UBE2G1: variants seen among roughly 807,000 people sequenced by gnomAD.
UBE2G1 encodes ubiquitin conjugating enzyme E2 G1, also known as ubiquitin-conjugating enzyme E2 G1.
Under a neutral mutation model 22.7 loss-of-function variants are expected in UBE2G1, and 5 were observed. The ratio of observed to expected loss-of-function variants is 0.22; its 90% CI spans 0.12 to 0.46. UBE2G1 has a LOEUF of 0.46. UBE2G1 is among the 20% of genes least tolerant of loss of function. The pLI is 0.99. For missense variants in UBE2G1, 88 were observed against 203.9 expected (o/e 0.43, Z 3.46); for synonymous variants, 74 against 67.5 (o/e 1.10, Z -0.47).
At chr17:4,365,961 G>A (rs1453103930) in intron 1 of UBE2G1, among the ~76,000 whole-genome samples, 1 of 151,970 alleles carries the variant, frequency 6.6e-6, no homozygotes, top group East Asian at 1.9e-4. Context: ...CCCGGCCTGG[G>A]GACCCGCACA....
chr17:4,315,279 G>T (rs945125371), intron 1 of UBE2G1, among the ~76,000 whole-genome samples: 11 of 152,080 alleles, frequency 7.2e-5, no homozygotes, highest in Admixed American at 5.2e-4. Flanking sequence ...TTCCTCAAAA[G>T]ATTTTTTTAA....
chr17:4,364,724 C>A (rs138626149), intron 1 of UBE2G1, among the ~76,000 whole-genome samples: 1,833 of 152,256 alleles, frequency 0.012, 40 homozygotes, highest in African/African-American at 0.042. Context: ...GGATTACAGG[C>A]GCCCTCCGCC....
chr17:4,292,219 G>A (rs913644981), intron 3 of UBE2G1, among the ~76,000 whole-genome samples: 1 of 151,118 alleles, frequency 6.6e-6, no homozygotes, highest in African/African-American at 2.4e-5. Context: ...CCAGCTACTC[G>A]GGAGGCTGAG....
At chr17:4,347,614 A>G (rs1969794241) in intron 1 of UBE2G1, among the ~76,000 whole-genome samples, 1 of 151,572 alleles carries the variant, frequency 6.6e-6, no homozygotes, top group Non-Finnish European at 1.5e-5. Flanking sequence ...AGCTGCAACT[A>G]CAGGCAAATG....
chr17:4,310,382 A>AAAAAGAAGGGCACACAAAAAAGAAGGG (rs1209605402), intron 1 of UBE2G1, among the ~76,000 whole-genome samples: 1 of 152,260 alleles, frequency 6.6e-6, no homozygotes, highest in Admixed American at 6.5e-5. Context: ...AGGGCACATA[A>AAAAAGAAGGGCACACAAAAAAGAAGGG]CATAATCATG....
rs201357295 is a variant in UBE2G1, at chr17:4,279,416, A to AC, written c.*37+3381dup. 5.7e-3 allele frequency among the ~76,000 whole-genome samples: 867 copies of AC among 152,310 alleles called. 3 individuals carry two copies. Among genetic ancestry groups the AC allele is most frequent in the African/African-American group, 0.02 (823 of 41,558 alleles). ...AATAAATGGTACAGTCAACAGTTAC[A>AC]CATCAGGGGAAAGTGGGGTGAGTGA... is the stretch of plus-strand genomic sequence containing the variant. On this transcript the variant is annotated intron_variant, in intron 5 of 5. Transcript: ENST00000396981.
At chr17:4,365,256 G>A (rs1422833487) in intron 1 of UBE2G1, among the ~76,000 whole-genome samples, 2 of 152,218 alleles carry the variant, frequency 1.3e-5, no homozygotes, top group Non-Finnish European at 2.9e-5. Context: ...GTAAGTGCTG[G>A]TTCATTTCTC....
rs1035151936 is a variant in UBE2G1 at position 4,366,609 on chromosome 17, C to T, written c.-293G>A. 2 of 329,754 alleles carry T rather than the reference C, an allele frequency of 6.1e-6. No individual in the cohort carries two copies. The highest frequency in any genetic ancestry group is 1.1e-5 in the Non-Finnish European group (2 of 179,834). 20.4% of individuals were successfully genotyped at this position (329,754 alleles called of 1,614,324 possible). A position where few individuals can be genotyped will look rare whatever the true frequency, so the allele number is the denominator to read the frequency against. ...CCTCCTTCAACCCGCCCGTCGGCCC[C>T]ACCGGTGCCTTCCCCCGCCACTGCC... On this transcript the variant is annotated 5_prime_UTR_variant, in exon 1 of 6. Coordinates refer to ENST00000396981, the MANE Select transcript of UBE2G1 (RefSeq NM_003342.5).
At chr17:4,273,103 A>G (rs1968779572) in intron 5 of UBE2G1, among the ~76,000 whole-genome samples, 1 of 152,216 alleles carries the variant, frequency 6.6e-6, no homozygotes, top group South Asian at 2.1e-4. Context: ...AAGTGTTTCA[A>G]ATCTGTTGGC....
chr17:4,356,921 T>C (rs1313606737), intron 1 of UBE2G1, among the ~76,000 whole-genome samples: 2 of 152,132 alleles, frequency 1.3e-5, no homozygotes, highest in African/African-American at 2.4e-5. Flanking sequence ...TACAGTCCCA[T>C]AGGACAAGGG....
rs796294034 is a variant in UBE2G1 at position 4,359,862 on chromosome 17, A to C, written c.46+6409T>G. Among the ~76,000 whole-genome samples the C allele has an allele frequency of 8.9e-4, 134 of 151,214 alleles. 1 individual carries two copies. The highest frequency in any genetic ancestry group is 2.7e-3 in the African/African-American group (112 of 41,128). ...ACAAGGCTCCATCTCAAAAAAAAAA[A>C]AAAAACAAACAAAAAAAAACTGCTG... On this transcript the variant is annotated intron_variant, in intron 1 of 5. Coordinates refer to ENST00000396981, the MANE Select transcript of UBE2G1 (RefSeq NM_003342.5).
At chr17:4,315,546 T>C (rs542390607) in intron 1 of UBE2G1, among the ~76,000 whole-genome samples, 118 of 151,756 alleles carry the variant, frequency 7.8e-4, no homozygotes, top group African/African-American at 2.6e-3. Context: ...GGAGACCATC[T>C]TGGCTAACAC....
intron 1 of UBE2G1, among the ~76,000 whole-genome samples, chr17:4,349,245 G>T (rs879719719): frequency 1.3e-5 from 2 of 152,076 alleles, no homozygotes; most frequent in Non-Finnish European, 2.9e-5. Context: ...GCTTGAACCC[G>T]GGAGGCAGAG....
At chr17:4,311,410 G>A (rs7220341) in intron 1 of UBE2G1, among the ~76,000 whole-genome samples, 145,150 of 152,242 alleles carry the variant, frequency 0.95, 69,623 homozygotes, top group East Asian at 1. Context: ...AGAAACTCAA[G>A]TGTCCATCGA....
intron 1 of UBE2G1, among the ~76,000 whole-genome samples, chr17:4,348,585 C>T (rs529382603): frequency 6.8e-6 from 1 of 147,144 alleles, no homozygotes; most frequent in Non-Finnish European, 1.5e-5. Context: ...AAGAACAGGC[C>T]GGGGGCAATG....
intron 4 of UBE2G1, among the ~76,000 whole-genome samples, chr17:4,285,063 CA>C (rs1968946652): frequency 6.6e-6 from 1 of 152,030 alleles, no homozygotes. Flanking sequence ...AGGCTGGTCT[CA>C]AACTCCTAGC....
At position 4,357,297 on chromosome 17, in the gene UBE2G1, A is replaced by G. The variant is rs558206822; in HGVS notation, c.46+8974T>C. Among the ~76,000 whole-genome samples, 34 of 152,114 alleles carry G rather than the reference A, an allele frequency of 2.2e-4. 1 individual carries two copies. The highest frequency in any genetic ancestry group is 8.0e-4 in the African/African-American group (33 of 41,504). ...AGAGTGCAAGAGTAGTAATGCCGGCATATTGTTATCATTGCTCTGTGTTAT... is the reference window on the plus strand; with the variant it reads ...AGAGTGCAAGAGTAGTAATGCCGGCGTATTGTTATCATTGCTCTGTGTTAT... On this transcript the variant is annotated intron_variant, in intron 1 of 5. Transcript: ENST00000396981.
chr17:4,288,538 T>C (rs1226203130), intron 4 of UBE2G1, among the ~76,000 whole-genome samples: 1 of 152,170 alleles, frequency 6.6e-6, no homozygotes, highest in Non-Finnish European at 1.5e-5. Context: ...GATTCCTTAC[T>C]TTTTATCTTT....
At chr17:4,330,362 T>G (rs560359100) in intron 1 of UBE2G1, among the ~76,000 whole-genome samples, 1 of 152,302 alleles carries the variant, frequency 6.6e-6, no homozygotes, top group East Asian at 1.9e-4. Context: ...TACTCTTATT[T>G]GATTTTAGGA....
Sources: allele counts gnomAD v4.1 joint callset (sites outside exome capture counted in the v4.1 genomes callset), GRCh38; gene constraint gnomAD v4.1.1; transcripts MANE v1.5; gene names NCBI Gene and HGNC (gene_info 2026-07-23, HGNC 2026-07-21).